Variants in NAV3 observed in about 807,000 individuals in gnomAD.
NAV3 encodes the protein neuron navigator 3.
In NAV3, 87 loss-of-function variants were observed where a neutral mutation model predicts 244.7. The ratio of observed to expected loss-of-function variants is 0.36; its 90% confidence interval spans 0.30 to 0.42. The LOEUF is 0.42. NAV3 is among the 20% of genes least tolerant of loss of function. NAV3 has a pLI of 1.00. For synonymous variants in NAV3, 1,126 were observed against 1,042.2 expected, an observed-to-expected ratio of 1.08 and a Z score of -1.55; for missense variants, 2,663 against 2,893.3, an observed-to-expected ratio of 0.92 and a Z score of 1.83.
chr12:77,580,866 C>T (rs2136675995), intron 2 of NAV3, among the ~76,000 whole-genome samples: 1 of 152,226 alleles, frequency 6.6e-6, no homozygotes, highest in Non-Finnish European at 1.5e-5. Flanking sequence ...CTGTAAAATT[C>T]TTTCAACTTT....
chr12:78,033,307 T>G (rs1879303257), intron 9 of NAV3, among the ~76,000 whole-genome samples: 1 of 152,096 alleles, frequency 6.6e-6, no homozygotes, highest in African/African-American at 2.4e-5. Context: ...TTTAGGTCTT[T>G]TACTTAAATA....
At chr12:77,735,137 TTATG>T (rs1443449392) in intron 2 of NAV3, among the ~76,000 whole-genome samples, 1 of 152,120 alleles carries the variant, frequency 6.6e-6, no homozygotes, top group African/African-American at 2.4e-5. Context: ...TTGTAAGTAT[TTATG>T]TACAGTAGAA....
chr12:77,826,783 A>G (rs1873049074), upstream of NAV3, among the ~76,000 whole-genome samples: 1 of 152,222 alleles, frequency 6.6e-6, no homozygotes, highest in Non-Finnish European at 1.5e-5. Flanking sequence ...AGAGTGAGAC[A>G]TTATCTACGG....
At chr12:77,987,896 C>T (rs184784754) in intron 5 of NAV3, among the ~76,000 whole-genome samples, 1 of 152,126 alleles carries the variant, frequency 6.6e-6, no homozygotes, top group East Asian at 1.9e-4. Flanking sequence ...TTTATGGTAA[C>T]AGCGTAAAAT....
intron 2 of NAV3, among the ~76,000 whole-genome samples, chr12:77,808,865 T>C (rs550612855): frequency 3.3e-5 from 5 of 152,328 alleles, no homozygotes; most frequent in South Asian, 2.1e-4. Context: ...CTTTCAGATA[T>C]GCCGTCTCAG....
chr12:78,019,339 T>G (rs1876763314), intron 8 of NAV3, among the ~76,000 whole-genome samples: 1 of 152,168 alleles, frequency 6.6e-6, no homozygotes. Flanking sequence ...TATTCATATA[T>G]TTATAAAAGA....
intron 2 of NAV3, among the ~76,000 whole-genome samples, chr12:77,680,118 A>G (rs1296804926): frequency 6.6e-6 from 1 of 152,230 alleles, no homozygotes; most frequent in East Asian, 1.9e-4. Context: ...GGCACAGGGA[A>G]AGGGGGTATT....
chr12:77,882,910 T>G (rs905507723), intron 1 of NAV3, among the ~76,000 whole-genome samples: 3 of 152,030 alleles, frequency 2.0e-5, no homozygotes, highest in Middle Eastern at 3.2e-3. Flanking sequence ...GAATGGCTAT[T>G]ATTAAAAAGT....
intron 28 of NAV3, among the ~76,000 whole-genome samples, chr12:78,179,255 G>T (rs951239137): frequency 4.6e-5 from 7 of 151,836 alleles, no homozygotes; most frequent in South Asian, 2.1e-4. Context: ...ACCAATAAAA[G>T]AATTTTTAGG....
chr12:78,134,616 T>A (rs1452344743), intron 18 of NAV3, among the ~76,000 whole-genome samples: 2 of 152,116 alleles, frequency 1.3e-5, no homozygotes, highest in Admixed American at 6.6e-5. Flanking sequence ...GCCAGACACA[T>A]TGGATCATGC....
chr12:77,672,564 G>A (rs970454465), intron 2 of NAV3, among the ~76,000 whole-genome samples: 19 of 152,046 alleles, frequency 1.2e-4, no homozygotes, highest in African/African-American at 3.6e-4. Context: ...GTGTGTGTGT[G>A]TATATATGGC....
At chr12:78,081,560 CACTT>C (rs1953354205) in intron 12 of NAV3, among the ~76,000 whole-genome samples, 1 of 152,196 alleles carries the variant, frequency 6.6e-6, no homozygotes, top group Admixed American at 6.5e-5. Flanking sequence ...CATTTCCTCT[CACTT>C]TCTTTCTTGC....
chr12:77,723,870 A>C (rs1490465743), intron 2 of NAV3, among the ~76,000 whole-genome samples: 1 of 150,372 alleles, frequency 6.7e-6, no homozygotes, highest in Non-Finnish European at 1.5e-5. Context: ...CAGGATAGTG[A>C]AAAGCCTTTT....
chr12:78,023,527 A>T (rs1032489596), intron 9 of NAV3, among the ~76,000 whole-genome samples: 4 of 152,198 alleles, frequency 2.6e-5, no homozygotes, highest in Non-Finnish European at 5.9e-5. Context: ...AGAATTCAGT[A>T]AAAGAAAGAA....
At chr12:78,106,231 T>G (rs930238193) in intron 12 of NAV3, among the ~76,000 whole-genome samples, 4 of 152,134 alleles carry the variant, frequency 2.6e-5, no homozygotes, top group African/African-American at 9.7e-5. Flanking sequence ...AGCAAGATCA[T>G]AGCATACAAA....
chr12:78,082,346 A>G (rs1405621882), intron 12 of NAV3, among the ~76,000 whole-genome samples: 9 of 152,240 alleles, frequency 5.9e-5, no homozygotes, highest in African/African-American at 1.4e-4. Context: ...ATTTTCAAAT[A>G]TAAATATTGG....
intron 2 of NAV3, among the ~76,000 whole-genome samples, chr12:77,781,360 C>G (rs966568018): frequency 1.3e-5 from 2 of 152,170 alleles, no homozygotes; most frequent in Non-Finnish European, 2.9e-5. Context: ...AAACTATTCT[C>G]CCTGAAGACT....
At chr12:77,664,778 A>G (rs975544363) in intron 2 of NAV3, among the ~76,000 whole-genome samples, 1 of 152,208 alleles carries the variant, frequency 6.6e-6, no homozygotes. Flanking sequence ...CTGACCTTCA[A>G]TTTATTCATA....
In NAV3 at chr12:77,822,772, G is replaced by A. The variant is rs1454690488; in HGVS notation, c.73-117547G>A. Among the ~76,000 whole-genome samples, 7 of 152,134 alleles carry A rather than the reference G, an allele frequency of 4.6e-5. No individual in the cohort carries two copies. In the East Asian group the frequency reaches 7.7e-4, roughly 17 times the overall value. ...CAAACATTTTGCAACTTGTTAGTAC[G>A]AGTCATTTATTCTCTGGGGTTTAAG... is the stretch of plus-strand genomic sequence containing the variant. On this transcript the variant is annotated intron_variant, in intron 2 of 8. Coordinates refer to the NAV3 transcript ENST00000550042.
Sources: allele counts gnomAD v4.1 joint callset (sites outside exome capture counted in the v4.1 genomes callset), GRCh38; gene constraint gnomAD v4.1.1; transcripts MANE v1.5; gene names NCBI Gene and HGNC (gene_info 2026-07-23, HGNC 2026-07-21).